SH3GL1: variants seen among roughly 807,000 people sequenced by gnomAD.
SH3GL1 encodes endophilin-A2.
A neutral mutation model predicts 48.8 loss-of-function variants in SH3GL1; 21 were observed. That is an observed-to-expected ratio of 0.43 (90% CI 0.30 to 0.62). The LOEUF (loss-of-function observed/expected upper bound fraction) is 0.62, where lower values mean the gene tolerates loss of function less well. Ranked by LOEUF, SH3GL1 falls within the 20% of genes least tolerant of loss-of-function variation. The pLI, the probability that SH3GL1 is intolerant of heterozygous loss-of-function variation, is 0.11. For missense variants in SH3GL1, 454 were observed against 503.0 expected, an observed-to-expected ratio of 0.90 and a Z score of 0.93; for synonymous variants, 282 against 217.5, an observed-to-expected ratio of 1.30 and a Z score of -2.61.
chr19:4,369,307 G>A lies in SH3GL1; in HGVS notation c.46-2313C>T, dbSNP rs376637355. On this transcript the variant is annotated intron_variant, in intron 1 of 9. Transcript: ENST00000269886. Reference sequence around the variant, plus strand: ...TTTTGATTGTGGCGAGAGAGGGCGTGCTCAGAGCCAGCGGCTGCCGGAGAG... The same window carrying A: ...TTTTGATTGTGGCGAGAGAGGGCGTACTCAGAGCCAGCGGCTGCCGGAGAG... Among the ~76,000 whole-genome samples, 378 of 152,368 alleles carry A rather than the reference G, an allele frequency of 2.5e-3. 1 individual carries two copies. Among genetic ancestry groups the A allele is most frequent in the African/African-American group, 8.0e-3 (334 of 41,592 alleles).
chr19:4,383,930 G>A (rs1306523343), intron 1 of SH3GL1, among the ~76,000 whole-genome samples: 1 of 152,210 alleles, frequency 6.6e-6, no homozygotes, highest in African/African-American at 2.4e-5. Context: ...ACCTCGGCTA[G>A]GAACATATGC....
chr19:4,390,149 T>A (rs1305828756), intron 1 of SH3GL1: 3 of 152,298 alleles, frequency 2.0e-5, no homozygotes, highest in Non-Finnish European at 4.4e-5. Context: ...TGTCCGTCTA[T>A]CTTCCTGCTG....
intron 1 of SH3GL1, among the ~76,000 whole-genome samples, chr19:4,383,386 TTTTTTATTTTTTA>T (rs1024181016): frequency 1.3e-5 from 2 of 152,002 alleles, no homozygotes; most frequent in South Asian, 2.1e-4. Flanking sequence ...AGTTATTTTT[TTTTTTATTTTTTA>T]TTTTTTGGTA....
intron 1 of SH3GL1, among the ~76,000 whole-genome samples, chr19:4,378,117 C>A (rs1011116655): frequency 1.3e-5 from 2 of 152,196 alleles, no homozygotes; most frequent in African/African-American, 2.4e-5. Context: ...GGCCTGGCAC[C>A]CAGGTGGCGT....
rs1011874492 is a variant in SH3GL1 at position 4,381,741 on chromosome 19, G to A, written c.46-14747C>T. Among the ~76,000 whole-genome samples the A allele has an allele frequency of 1.3e-4, 16 of 127,724 alleles. 1 individual carries two copies. In the East Asian group the frequency reaches 3.6e-3, roughly 29 times the overall value. 83.8% of individuals were successfully genotyped at this position (127,724 alleles called of 152,430 possible). ...CAGAGTCTCGCTCTGTTGCCTAGCT[G>A]GAGTGCAGTGGCGCGATCTTGGCTC... On this transcript the variant is annotated intron_variant, in intron 1 of 9. Coordinates refer to ENST00000269886, the MANE Select transcript of SH3GL1 (RefSeq NM_003025.4).
intron 1 of SH3GL1, among the ~76,000 whole-genome samples, chr19:4,383,119 T>C (rs1973168847): frequency 6.6e-6 from 1 of 152,190 alleles, no homozygotes; most frequent in Non-Finnish European, 1.5e-5. Context: ...GGTTTCACCA[T>C]GTTGGCCAGG....
intron 1 of SH3GL1, among the ~76,000 whole-genome samples, chr19:4,383,218 A>ATT (rs34797481): frequency 2.5e-3 from 342 of 138,586 alleles, no homozygotes; most frequent in Admixed American, 6.1e-3. Flanking sequence ...ACGCCTGGAC[A>ATT]TTTTTTTTTT....
Position 4,364,866 on chromosome 19 carries a change from TTGTG to T in SH3GL1, c.331+612_331+615del, listed in dbSNP as rs373324973. On this transcript the variant is annotated intron_variant, in intron 4 of 9. Transcript: ENST00000269886. ...GGCATGCACTACCACACCCGGCTAA[TTGTG>T]TGTGTGTGTGTGTGTGTGTGTGTGT... Among the ~76,000 whole-genome samples the T allele has an allele frequency of 9.1e-4, 88 of 97,120 alleles. 2 individuals carry two copies. The highest frequency in any genetic ancestry group is 3.8e-3 in the African/African-American group (71 of 18,716). 63.7% of individuals were successfully genotyped at this position (97,120 alleles called of 152,430 possible).
chr19:4,382,607 T>C (rs1414409820), intron 1 of SH3GL1, among the ~76,000 whole-genome samples: 5 of 152,176 alleles, frequency 3.3e-5, no homozygotes, highest in Non-Finnish European at 5.9e-5. Flanking sequence ...CCCTTGTGGA[T>C]AAGCCAGGAT....
At position 4,362,343 on chromosome 19, in the gene SH3GL1, G is replaced by C; in HGVS notation, c.896C>G (p.Pro299Arg). ...GGAACACTCACGCATGCTCCGGCTA[G>C]GGGTCCGGATGGGCTTGTCGGAAGA... ...FRSSDKPIRT[P>R]SRSMPPLDQP... Residue 299 changes from proline (P) to arginine (R), a missense_variant, in exon 9 of 10, where the codon CCT (proline) becomes CGT (arginine). Physicochemically the swap from Pro to Arg is moderately radical, Grantham distance 103 (BLOSUM62 -2). Transcript: ENST00000269886. 1.2e-6 allele frequency: 2 copies of C among 1,612,274 alleles called. No homozygotes were observed. Among genetic ancestry groups the C allele is most frequent in the Non-Finnish European group, 1.7e-6 (2 of 1,179,140 alleles).
At chr19:4,362,537 C>G (rs539745308) in intron 8 of SH3GL1, 75 bp downstream of exon 8, 1 of 1,603,774 alleles carries the variant, frequency 6.2e-7, no homozygotes, top group East Asian at 2.3e-5. Flanking sequence ...GCTCAGAGAC[C>G]CAGGACAGGG....
In SH3GL1 at chr19:4,400,253, G is replaced by C; in HGVS notation, c.45+71C>G. On this transcript the variant is annotated intron_variant, in intron 1 of 9. Transcript: ENST00000269886. This position sits in a 1 kb window ranked among gnomAD's most constrained non-coding sequence, Gnocchi z 4.1. Reference sequence around the variant, plus strand: ...GTCCCCCCGGCCCCCTCCCGGGCCAGGTCGGGCCTGGCTCCCTCATCCGGG... The same window carrying C: ...GTCCCCCCGGCCCCCTCCCGGGCCACGTCGGGCCTGGCTCCCTCATCCGGG... 1 of 1,525,404 alleles carries C rather than the reference G, an allele frequency of 6.6e-7. No homozygotes were observed. The highest frequency in any genetic ancestry group is 8.9e-7 in the Non-Finnish European group (1 of 1,127,758). The allele number at this position is 1,525,404 out of a possible 1,614,324, so 94.5% of individuals were successfully genotyped here. A position where few individuals can be genotyped will look rare whatever the true frequency, so the allele number is the denominator to read the frequency against.
In SH3GL1 at chr19:4,360,484, C is replaced by A. The variant is rs746232506; in HGVS notation, c.*1116G>T. ...CTCTGCGCCCCTCATGTACTTCTGA[C>A]GAGGGGGGTGCAGGGCAGGGCAGAG... On this transcript the variant is annotated 3_prime_UTR_variant, in exon 10 of 10. Transcript: ENST00000269886. The A allele has an allele frequency of 2.1e-5, 5 of 233,560 alleles. No homozygotes were observed. Among genetic ancestry groups the A allele is most frequent in the Non-Finnish European group, 4.2e-5 (5 of 118,432 alleles). 14.5% of individuals were successfully genotyped at this position (233,560 alleles called of 1,614,324 possible).
At position 4,365,530 on chromosome 19, in the gene SH3GL1, C is replaced by T; in HGVS notation, c.283G>A (p.Glu95Lys). Residue 95 changes from glutamate (E) to lysine (K), a missense_variant, in exon 4 of 10, where the codon GAG becomes AAG. Coordinates refer to ENST00000269886, the MANE Select transcript of SH3GL1 (RefSeq NM_003025.4). Reference protein sequence around the residue: ...GYPQSEGLLGECMIRHGKELG... With the variant: ...GYPQSEGLLGKCMIRHGKELG... ...TCCTTCCCGTGGCGGATCATGCACT[C>T]GCCCAGAAGCCCCTCCGACTGCGGG... The T allele has an allele frequency of 1.2e-6, 2 of 1,614,048 alleles. No individual in the cohort carries two copies. The highest frequency in any genetic ancestry group is 1.3e-5 in the African/African-American group (1 of 75,070).
intron 4 of SH3GL1, among the ~76,000 whole-genome samples, chr19:4,364,912 ATATAT>A (rs1229904564): frequency 1.0e-4 from 10 of 99,918 alleles, no homozygotes; most frequent in African/African-American, 3.4e-4. Context: ...ATATATATAT[ATATAT>A]TTTTTTTTTT....
chr19:4,362,181 C>T (rs1211699195), intron 9 of SH3GL1, 148 bp downstream of exon 9: 8 of 846,042 alleles, frequency 9.5e-6, no homozygotes, highest in African/African-American at 1.7e-5. Flanking sequence ...TGGCATCTTG[C>T]AGGCTGTGGG....
At position 4,363,431 on chromosome 19, in the gene SH3GL1, G is replaced by T. The variant is rs768801940; in HGVS notation, c.667C>A (p.Leu223Met). ...TGCACGGCCTGCCGGTGGTAGTCCAGCTGTGCATCCACCAGGGCCGAGAGC... is the reference window on the plus strand; with the variant it reads ...TGCACGGCCTGCCGGTGGTAGTCCATCTGTGCATCCACCAGGGCCGAGAGC... ...SQLSALVDAQ[L>M]DYHRQAVQIL... Residue 223 changes from leucine (L) to methionine (M), a missense_variant, in exon 7 of 10, where the codon CTG becomes ATG. By Grantham distance (15) the Leu-to-Met change is conservative (BLOSUM62 2). Around this residue, in one of 2 missense-constraint regions of SH3GL1, gnomAD observed 278 missense variants for 246.8 expected, o/e 1.13. Coordinates refer to ENST00000269886, the MANE Select transcript of SH3GL1 (RefSeq NM_003025.4). 2.5e-6 allele frequency: 4 copies of T among 1,612,858 alleles called. No individual in the cohort carries two copies. Among genetic ancestry groups the T allele is most frequent in the East Asian group, 4.5e-5 (2 of 44,836 alleles).
At chr19:4,372,317 G>A (rs894929612) in intron 1 of SH3GL1, among the ~76,000 whole-genome samples, 2 of 152,248 alleles carry the variant, frequency 1.3e-5, no homozygotes, top group East Asian at 1.9e-4. Flanking sequence ...ACGTCACAGA[G>A]GAGGAAGCTG....
Position 4,400,278 on chromosome 19 carries a change from G to A in SH3GL1, c.45+46C>T. 1.3e-6 allele frequency: 2 copies of A among 1,577,970 alleles called. No homozygotes were observed. The highest frequency in any genetic ancestry group is 2.4e-5 in the East Asian group (1 of 41,144). ...GGTCGGGCCTGGCTCCCTCATCCGGGCAGCCCGGGGCCCGGTACTCGGCTC... is the reference window on the plus strand; with the variant it reads ...GGTCGGGCCTGGCTCCCTCATCCGGACAGCCCGGGGCCCGGTACTCGGCTC... On this transcript the variant is annotated intron_variant, in intron 1 of 9. Transcript: ENST00000269886. This position sits in a 1 kb window ranked among gnomAD's most constrained non-coding sequence, Gnocchi z 4.1.
Sources: gnomAD v4.1 joint callset for allele counts (sites outside exome capture counted in the v4.1 genomes callset) on GRCh38, gnomAD v4.1.1 for gene constraint, gnomAD v4.1.1 regional missense constraint, Gnocchi (gnomAD v3.1) non-coding constraint, MANE v1.5 for transcripts, NCBI Gene and HGNC (gene_info 2026-07-23, HGNC 2026-07-21) for gene names.